ADAR: variants seen among roughly 807,000 people sequenced by gnomAD.
ADAR encodes the protein double-stranded RNA-specific adenosine deaminase.
A neutral mutation model predicts 113.2 loss-of-function variants in ADAR; 41 were observed. That is an observed-to-expected ratio of 0.36 (90% CI 0.28 to 0.47). The LOEUF (loss-of-function observed/expected upper bound fraction) is 0.47. Among genes scored for constraint, ADAR ranks in the 20% least tolerant of loss-of-function variants. The pLI is 1.00. For synonymous variants in ADAR, 605 were observed against 572.6 expected, an observed-to-expected ratio of 1.06 and a Z score of -0.81; for missense variants, 1,242 against 1,540.9, an observed-to-expected ratio of 0.81 and a Z score of 3.25.
At chr1:154,609,445 G>A (rs1227995750), upstream of ADAR, among the ~76,000 whole-genome samples, 1 of 152,210 alleles carries the variant, frequency 6.6e-6, no homozygotes, top group Non-Finnish European at 1.5e-5. Context: ...TCCAGCTGAT[G>A]CCCTTTCATG....
chr1:154,586,947 G>A (rs926013396), intron 11 of ADAR, among the ~76,000 whole-genome samples: 2 of 151,794 alleles, frequency 1.3e-5, no homozygotes, highest in Non-Finnish European at 2.9e-5. Flanking sequence ...AACCACTATC[G>A]GGTTTAAAAA....
chr1:154,586,050 A>C (rs1228792778), intron 12 of ADAR, 131 bp downstream of exon 12: 4 of 1,296,218 alleles, frequency 3.1e-6, no homozygotes, highest in East Asian at 2.4e-5. Flanking sequence ...CTGGACACTC[A>C]ATCAATTACT....
intron 6 of ADAR, among the ~76,000 whole-genome samples, chr1:154,595,357 C>A (rs1443025733): frequency 6.6e-6 from 1 of 152,208 alleles, no homozygotes; most frequent in Non-Finnish European, 1.5e-5. Flanking sequence ...TGACGGCCCC[C>A]ATGCATGTTA....
rs774464542 is a variant in ADAR at position 154,601,091 on chromosome 1, T to G, written c.1551A>C (p.Gln517His). The G allele has an allele frequency of 6.2e-7, 1 of 1,614,190 alleles. No individual in the cohort carries two copies. The highest frequency in any genetic ancestry group is 8.5e-7 in the Non-Finnish European group (1 of 1,180,024). Residue 517 changes from glutamine (Q) to histidine (H), a missense_variant, in exon 2 of 15, where the codon CAA becomes CAC. Physicochemically the swap from Gln to His is conservative, Grantham distance 24. Coordinates refer to ENST00000368474, the MANE Select transcript of ADAR (RefSeq NM_001111.5). The surrounding 1 kb of genome is among the most constrained non-coding windows in gnomAD (Gnocchi z 4.7). The stretch of plus-strand genomic sequence containing the variant: ...GCTCTATCATGTTGAACTCACAGGT[T>G]TGACTAGCGAACTGGGCATATTCTA... Reference protein sequence around the residue: ...GLLEYAQFASQTCEFNMIEQS... With the variant: ...GLLEYAQFASHTCEFNMIEQS...
intron 6 of ADAR, among the ~76,000 whole-genome samples, chr1:154,594,880 G>C (rs145433723): frequency 3.9e-5 from 6 of 152,326 alleles, no homozygotes; most frequent in Admixed American, 3.9e-4. Flanking sequence ...AGATATACTT[G>C]TTTAAAAAGA....
intron 6 of ADAR, among the ~76,000 whole-genome samples, chr1:154,594,213 A>G (rs1490109121): frequency 6.6e-6 from 1 of 152,156 alleles, no homozygotes; most frequent in Non-Finnish European, 1.5e-5. Context: ...AGACAAATTT[A>G]AAGTAACAAG....
chr1:154,590,110 C>A, intron 7 of ADAR, 74 bp downstream of exon 7: 1 of 1,524,408 alleles, frequency 6.6e-7, no homozygotes, highest in Non-Finnish European at 9.1e-7. Context: ...CGCATGACAG[C>A]AAGAGCCACC....
intron 1 of ADAR, among the ~76,000 whole-genome samples, chr1:154,604,660 C>CT (rs1231152329): frequency 1.3e-5 from 2 of 152,172 alleles, no homozygotes; most frequent in African/African-American, 4.8e-5. Context: ...TCTTTCACCT[C>CT]TTTTTTCTTC....
chr1:154,585,936 G>C, intron 12 of ADAR, 71 bp from the exon 13 acceptor site: 1 of 1,418,502 alleles, frequency 7.0e-7, no homozygotes, highest in Non-Finnish European at 9.8e-7. Flanking sequence ...GAAGCATGTG[G>C]GGATTTTGGA....
intron 7 of ADAR, 43 bp downstream of exon 7, chr1:154,590,141 A>AGGGGC: frequency 1.3e-6 from 1 of 760,864 alleles, no homozygotes. Context: ...AGTTAGGAGG[A>AGGGGC]CCCCCCCGCC....
chr1:154,601,373 T>C lies in ADAR; in HGVS notation c.1269A>G (p.Gln423=). The C allele has an allele frequency of 1.9e-6, 3 of 1,614,240 alleles. No individual in the cohort carries two copies. Among genetic ancestry groups the C allele is most frequent in the Non-Finnish European group, 2.5e-6 (3 of 1,180,030 alleles). The change falls in exon 2 of 15, where the codon CAA becomes CAG. Residue 423 remains glutamine, a synonymous_variant. Transcript: ENST00000368474. This position sits in a 1 kb window ranked among gnomAD's most constrained non-coding sequence, Gnocchi z 4.7. The stretch of plus-strand genomic sequence containing the variant: ...GTCTTGCTGGTTCTGGTCTGGCCTC[T>C]TGCCTGTTTTCTAACTTTATGACAG... ...QEPVIKLENR[Q]EARPEPARLK...
At chr1:154,600,878 T>C in intron 2 of ADAR, 163 bp downstream of exon 2, 3 of 994,994 alleles carry the variant, frequency 3.0e-6, no homozygotes, top group South Asian at 1.4e-5. Context: ...CTGCTCAATA[T>C]CTGGAGAAAG....
intron 1 of ADAR, among the ~76,000 whole-genome samples, chr1:154,618,788 G>T (rs1398928888): frequency 2.6e-5 from 4 of 151,986 alleles, no homozygotes; most frequent in Non-Finnish European, 4.4e-5. Flanking sequence ...TGTATTGACA[G>T]ACTAAGTGTA....
chr1:154,617,352 T>A (rs1175638194), intron 1 of ADAR, among the ~76,000 whole-genome samples: 1 of 152,222 alleles, frequency 6.6e-6, no homozygotes, highest in East Asian at 1.9e-4. Flanking sequence ...CAATCTTTGA[T>A]GCCAGAGTCT....
At chr1:154,607,769 A>G (rs1046363187) in intron 1 of ADAR, among the ~76,000 whole-genome samples, 1 of 149,190 alleles carries the variant, frequency 6.7e-6, no homozygotes, top group Non-Finnish European at 1.5e-5. Context: ...AAGACGCACA[A>G]ATTCCTAAAC....
At chr1:154,627,528 G>C (rs1698978426) in intron 1 of ADAR, among the ~76,000 whole-genome samples, 1 of 152,028 alleles carries the variant, frequency 6.6e-6, no homozygotes, top group Non-Finnish European at 1.5e-5. Context: ...CCCAGCTGTT[G>C]GGCCTTTGGT....
At chr1:154,627,355 G>T (rs1571157677) in intron 1 of ADAR, among the ~76,000 whole-genome samples, 1 of 152,214 alleles carries the variant, frequency 6.6e-6, no homozygotes, top group East Asian at 1.9e-4. Context: ...TGGAAGGCAC[G>T]CCAGGGCGGC....
rs142456688 is a variant in ADAR, at chr1:154,589,378, C to G, written c.2753G>C (p.Gly918Ala). 116 of 1,613,968 alleles carry G rather than the reference C, an allele frequency of 7.2e-5. No homozygotes were observed. Among genetic ancestry groups the G allele is most frequent in the Non-Finnish European group, 9.6e-5 (113 of 1,179,972 alleles). ...DCHAEIISRR[G>A]FIRFLYSELM... ...CTCTGACCTCGCTCACCTGATGAAG[C>G]CTCTCCGGGAGATTATTTCTGCATG... Residue 918 changes from glycine (G) to alanine (A), a missense_variant, in exon 9 of 15, where the codon GGC becomes GCC. Around this residue, in one of 2 missense-constraint regions of ADAR, gnomAD observed 780 missense variants for 1,057.9 expected, o/e 0.74. Coordinates refer to ENST00000368474, the MANE Select transcript of ADAR (RefSeq NM_001111.5).
intron 10 of ADAR, 144 bp downstream of exon 10, chr1:154,588,407 T>C: frequency 6.7e-7 from 1 of 1,488,068 alleles, no homozygotes; most frequent in African/African-American, 1.4e-5. Context: ...ATGTGAGTCA[T>C]CTACACCTGA....
Sources: gnomAD v4.1 joint callset for allele counts (sites outside exome capture counted in the v4.1 genomes callset) on GRCh38, gnomAD v4.1.1 for gene constraint, gnomAD v4.1.1 regional missense constraint, Gnocchi (gnomAD v3.1) non-coding constraint, MANE v1.5 for transcripts, NCBI Gene and HGNC (gene_info 2026-07-23, HGNC 2026-07-21) for gene names.